Variants in IYD observed in about 807,000 individuals in gnomAD.
IYD encodes iodotyrosine deiodinase, also known as iodotyrosine deiodinase 1.
IYD carries 25 observed loss-of-function variants against 28.4 expected under a neutral mutation model. The ratio of observed to expected loss-of-function variants is 0.88; its 90% CI spans 0.64 to 1.23. The LOEUF (loss-of-function observed/expected upper bound fraction) is 1.23, where lower values mean the gene tolerates loss of function less well. Ranked by LOEUF, IYD falls within the 50% of genes most tolerant of loss-of-function variation. The probability of loss-of-function intolerance (pLI) is 0.00; values close to 1 mark genes in which losing one functional copy is unlikely to be tolerated. For synonymous variants in IYD, 140 were observed against 130.8 expected (o/e 1.07, Z -0.48); for missense variants, 352 against 357.9 (o/e 0.98, Z 0.13).
Position 150,398,130 on chromosome 6 carries a change from G to C in IYD, c.763G>C (p.Ala255Pro), listed in dbSNP as rs376409306. ...PRLRVLLGRP[A>P]HEKLLMLLPV... ...ACTGAGGGTGCTCCTGGGCCGCCCC[G>C]CACATGAAAAGCTGCTGATGCTGCT... The change falls in exon 5 of 5, where the codon GCA (alanine) becomes CCA (proline). Residue 255 changes from alanine to proline, a missense_variant. By Grantham distance (27) the Ala-to-Pro change is conservative (BLOSUM62 -1). Coordinates refer to ENST00000344419, the MANE Select transcript of IYD (RefSeq NM_203395.3). 1.9e-6 allele frequency: 3 copies of C among 1,614,022 alleles called. No homozygotes were observed. Among genetic ancestry groups the C allele is most frequent in the South Asian group, 2.2e-5 (2 of 91,082 alleles).
Position 150,395,925 on chromosome 6 carries a change from C to A in IYD, c.687+1670C>A, listed in dbSNP as rs535246428. 3.3e-5 allele frequency: 16 copies of A among 486,656 alleles called. No homozygotes were observed. In the South Asian group the frequency reaches 4.8e-4, roughly 15 times the overall value. 30.1% of individuals were successfully genotyped at this position (486,656 alleles called of 1,614,324 possible). On this transcript the variant is annotated intron_variant, in intron 4 of 4. Coordinates refer to ENST00000344419, the MANE Select transcript of IYD (RefSeq NM_203395.3). ...CCTTGGCCACTGAGTCCCCTATCAACGGGCATCAGCATCTCACTGGGTGGG... is the reference window on the plus strand; with the variant it reads ...CCTTGGCCACTGAGTCCCCTATCAAAGGGCATCAGCATCTCACTGGGTGGG...
intron 1 of IYD, among the ~76,000 whole-genome samples, chr6:150,382,574 A>G (rs1777686933): frequency 9.6e-6 from 1 of 104,130 alleles, no homozygotes; most frequent in East Asian, 2.6e-4. Context: ...TTCTCCTTTC[A>G]GGACTCCAAT....
intron 1 of IYD, among the ~76,000 whole-genome samples, chr6:150,382,990 A>T (rs1353442071): frequency 6.6e-6 from 1 of 152,096 alleles, no homozygotes; most frequent in Non-Finnish European, 1.5e-5. Flanking sequence ...GTGTTTTCCT[A>T]AATACATTGT....
chr6:150,370,747 T>G (rs1178087727), intron 1 of IYD: 6 of 774,434 alleles, frequency 7.7e-6, no homozygotes, highest in Non-Finnish European at 9.4e-6. Flanking sequence ...AGAGTAAAGT[T>G]AATGGAAGAG....
chr6:150,398,356 T>G lies in IYD; in HGVS notation c.*119T>G. On this transcript the variant is annotated 3_prime_UTR_variant, in exon 5 of 5. Transcript: ENST00000344419. ...TCCAGGTGTCAGGTCCCCTCATTGC[T>G]CTTCTCAGGTGGCCACACTATGTCA... is the stretch of plus-strand genomic sequence containing the variant. 1 of 925,628 alleles carries G rather than the reference T, an allele frequency of 1.1e-6. No homozygotes were observed. Among genetic ancestry groups the G allele is most frequent in the South Asian group, 1.4e-5 (1 of 69,286 alleles). 57.3% of individuals were successfully genotyped at this position (925,628 alleles called of 1,614,324 possible).
At chr6:150,405,969 A>ACCCAGTAGTCTTGTGTCTTCTGT, downstream of IYD, 1 of 152,184 alleles carries the variant, frequency 6.6e-6, no homozygotes, top group Non-Finnish European at 1.5e-5. Flanking sequence ...TCTTGCTCTG[A>ACCCAGTAGTCTTGTGTCTTCTGT]CCCAGTAGTC....
chr6:150,381,992 G>A (rs190569974), intron 1 of IYD, among the ~76,000 whole-genome samples: 51 of 152,322 alleles, frequency 3.3e-4, no homozygotes, highest in Admixed American at 1.4e-3. Context: ...GCGTGTGCAA[G>A]CAATTGCAGA....
chr6:150,377,761 T>C (rs1777502037), intron 1 of IYD, among the ~76,000 whole-genome samples: 1 of 152,268 alleles, frequency 6.6e-6, no homozygotes, highest in South Asian at 2.1e-4. Context: ...ATGCATTTGC[T>C]TATATACCAC....
At chr6:150,395,473 A>G (rs1242235607) in intron 4 of IYD, 5 of 1,537,174 alleles carry the variant, frequency 3.3e-6, no homozygotes, top group East Asian at 4.9e-5. Flanking sequence ...TGGAATCACC[A>G]TGCGGCATCA....
intron 1 of IYD, among the ~76,000 whole-genome samples, chr6:150,386,438 A>G (rs1457971185): frequency 4.0e-5 from 6 of 151,730 alleles, no homozygotes; most frequent in Non-Finnish European, 8.8e-5. Context: ...TTGGGCCATT[A>G]AAATGTGTTG....
rs374646376 is a variant in IYD at position 150,391,181 on chromosome 6, G to A, written c.371-1164G>A. On this transcript the variant is annotated intron_variant, in intron 2 of 4. Coordinates refer to ENST00000344419, the MANE Select transcript of IYD (RefSeq NM_203395.3). ...GAACCCGGGAGGTGGAAGTTGCACTGAGCTGAGATTGTGACACTGCACTCC... is the reference window on the plus strand; with the variant it reads ...GAACCCGGGAGGTGGAAGTTGCACTAAGCTGAGATTGTGACACTGCACTCC... 1.1e-4 allele frequency among the ~76,000 whole-genome samples: 16 copies of A among 150,750 alleles called. No individual in the cohort carries two copies. In the South Asian group the frequency reaches 2.1e-3, roughly 20 times the overall value.
chr6:150,396,754 G>C (rs1314361783), intron 4 of IYD: 1 of 221,684 alleles, frequency 4.5e-6, no homozygotes, highest in African/African-American at 2.3e-5. Flanking sequence ...GGCGCCTGTA[G>C]TCCCAGCTAC....
chr6:150,392,235 C>A, intron 2 of IYD, 110 bp from the exon 3 acceptor site: 1 of 1,573,078 alleles, frequency 6.4e-7, no homozygotes, highest in South Asian at 1.1e-5. Context: ...TTTGATCCTC[C>A]AGCTCCAGCC....
rs771778961 is a variant in IYD at position 150,369,954 on chromosome 6, AGAATT to A, written c.178+748_178+752del. 41 of 701,938 alleles carry A rather than the reference AGAATT, an allele frequency of 5.8e-5. No individual in the cohort carries two copies. In the African/African-American group the frequency reaches 7.0e-4, roughly 12 times the overall value. 43.5% of individuals were successfully genotyped at this position (701,938 alleles called of 1,614,324 possible). A position where few individuals can be genotyped will look rare whatever the true frequency, so the allele number is the denominator to read the frequency against. ...AGGGAGAGGGTAAGAATGGAAGTAG[AGAATT>A]GAGGGCGGGAAGGTTATGGCCACCT... is the stretch of plus-strand genomic sequence containing the variant. On this transcript the variant is annotated intron_variant, in intron 1 of 4. Coordinates refer to ENST00000344419, the MANE Select transcript of IYD (RefSeq NM_203395.3).
Position 150,401,177 on chromosome 6 carries a change from C to G in IYD, c.*2940C>G, listed in dbSNP as rs570366705. 3 of 152,140 alleles carry G rather than the reference C, an allele frequency of 2.0e-5. No individual in the cohort carries two copies. The highest frequency in any genetic ancestry group is 6.5e-5 in the Admixed American group (1 of 15,270). The allele number at this position is 152,140 out of a possible 1,614,324, so 9.4% of individuals were successfully genotyped here. A position where few individuals can be genotyped will look rare whatever the true frequency, so the allele number is the denominator to read the frequency against. The stretch of plus-strand genomic sequence containing the variant: ...CTGAATGGAAATACATTTAAATAAG[C>G]ATTTCTTTCAGTCATATAAGTAATT... On this transcript the variant is annotated 3_prime_UTR_variant, in exon 5 of 5. Coordinates refer to ENST00000344419, the MANE Select transcript of IYD (RefSeq NM_203395.3).
rs567141048 is a variant in IYD, at chr6:150,399,239, C to T, written c.*1002C>T. The stretch of plus-strand genomic sequence containing the variant: ...CAAGACAGTTATTAAACATTCATAG[C>T]TTGAAATTGCCCATGGTGGGAGAGT... On this transcript the variant is annotated 3_prime_UTR_variant, in exon 5 of 5. Transcript: ENST00000344419. 1 of 152,330 alleles carries T rather than the reference C, an allele frequency of 6.6e-6. No homozygotes were observed. The highest frequency in any genetic ancestry group is 1.5e-5 in the Non-Finnish European group (1 of 68,046). The allele number at this position is 152,330 out of a possible 1,614,324, so 9.4% of individuals were successfully genotyped here.
At chr6:150,383,391 T>C (rs1362838203) in intron 1 of IYD, among the ~76,000 whole-genome samples, 1 of 152,176 alleles carries the variant, frequency 6.6e-6, no homozygotes, top group Non-Finnish European at 1.5e-5. Flanking sequence ...TACATAATAC[T>C]CTGGGCATTT....
At chr6:150,376,460 C>T (rs967939729) in intron 1 of IYD, among the ~76,000 whole-genome samples, 2 of 152,016 alleles carry the variant, frequency 1.3e-5, no homozygotes, top group East Asian at 3.9e-4. Context: ...AGAACAATGC[C>T]TTGGGATGAA....
intron 1 of IYD, among the ~76,000 whole-genome samples, chr6:150,381,557 AG>A (rs1246336588): frequency 1.2e-4 from 19 of 152,342 alleles, no homozygotes; most frequent in African/African-American, 4.3e-4. Flanking sequence ...ATTATCACTT[AG>A]GTTAAGAAAT....
Sources: gnomAD v4.1 joint callset for allele counts (sites outside exome capture counted in the v4.1 genomes callset) on GRCh38, gnomAD v4.1.1 for gene constraint, MANE v1.5 for transcripts, NCBI Gene and HGNC (gene_info 2026-07-23, HGNC 2026-07-21) for gene names.